The following KCND2 variants were observed in gnomAD, a reference collection of about 807,000 sequenced individuals.
KCND2 encodes the protein potassium voltage-gated channel subfamily D member 2, also known as A-type voltage-gated potassium channel KCND2.
In KCND2, 16 loss-of-function variants were observed where a neutral mutation model predicts 54.4. The ratio of observed to expected loss-of-function variants is 0.29; its 90% CI spans 0.20 to 0.45. The LOEUF is 0.45. Ranked by LOEUF, KCND2 falls within the 20% of genes least tolerant of loss-of-function variation. KCND2 has a pLI of 1.00. For synonymous variants in KCND2, 317 were observed against 310.7 expected, an observed-to-expected ratio of 1.02 and a Z score of -0.21; for missense variants, 486 against 824.2, an observed-to-expected ratio of 0.59 and a Z score of 5.02.
At chr7:120,668,712 G>A (rs934270193) in intron 1 of KCND2, among the ~76,000 whole-genome samples, 20 of 151,930 alleles carry the variant, frequency 1.3e-4, no homozygotes, top group African/African-American at 4.3e-4. Context: ...AGATTATTAA[G>A]AAGAAATATA....
At chr7:120,744,253 A>G (rs1792978144) in intron 4 of KCND2, among the ~76,000 whole-genome samples, 1 of 151,642 alleles carries the variant, frequency 6.6e-6, no homozygotes, top group Non-Finnish European at 1.5e-5. Flanking sequence ...AAAGAGCTAG[A>G]CTCTGTCTCA....
At chr7:120,447,031 G>T (rs1802027274) in intron 1 of KCND2, among the ~76,000 whole-genome samples, 1 of 152,128 alleles carries the variant, frequency 6.6e-6, no homozygotes, top group Non-Finnish European at 1.5e-5. Context: ...GACATGAATT[G>T]AAGGAGAAAC....
chr7:120,556,596 C>A (rs186009657), intron 1 of KCND2, among the ~76,000 whole-genome samples: 4 of 152,222 alleles, frequency 2.6e-5, no homozygotes, highest in Admixed American at 2.0e-4. Context: ...CTTTTAAGAT[C>A]TCATCAGATA....
intron 1 of KCND2, among the ~76,000 whole-genome samples, chr7:120,478,717 C>G (rs1197516453): frequency 6.6e-6 from 1 of 152,010 alleles, no homozygotes; most frequent in Non-Finnish European, 1.5e-5. Context: ...AATTCATATG[C>G]CTGACTCTAT....
chr7:120,342,204 G>T (rs1800249930), intron 1 of KCND2, among the ~76,000 whole-genome samples: 1 of 152,132 alleles, frequency 6.6e-6, no homozygotes, highest in African/African-American at 2.4e-5. Context: ...TCCAATCATG[G>T]CTCTGCCATT....
At chr7:120,587,379 A>G (rs1792613104) in intron 1 of KCND2, among the ~76,000 whole-genome samples, 2 of 152,218 alleles carry the variant, frequency 1.3e-5, no homozygotes, top group Admixed American at 1.3e-4. Context: ...TGCCAAGAAT[A>G]CTAATCTCTT....
intron 1 of KCND2, among the ~76,000 whole-genome samples, chr7:120,428,295 A>G (rs1412231994): frequency 6.6e-6 from 1 of 152,198 alleles, no homozygotes; most frequent in Non-Finnish European, 1.5e-5. Flanking sequence ...GCCAAATGCA[A>G]TGGAACAATC....
intron 1 of KCND2, among the ~76,000 whole-genome samples, chr7:120,583,324 A>AT (rs1176743043): frequency 1.3e-5 from 2 of 151,914 alleles, no homozygotes; most frequent in Admixed American, 6.6e-5. Context: ...TCAAATATTG[A>AT]TTTTTTCCTA....
chr7:120,308,787 A>C (rs184323712), intron 1 of KCND2, among the ~76,000 whole-genome samples: 1 of 152,294 alleles, frequency 6.6e-6, no homozygotes, highest in East Asian at 1.9e-4. Context: ...GTAAATGATA[A>C]GTTGTTTAAC....
intron 1 of KCND2, among the ~76,000 whole-genome samples, chr7:120,315,180 G>T (rs1004810385): frequency 1.3e-5 from 2 of 152,088 alleles, no homozygotes; most frequent in African/African-American, 4.8e-5. Context: ...GAATCTCTCT[G>T]AGCATTTCAT....
intron 1 of KCND2, among the ~76,000 whole-genome samples, chr7:120,398,017 ATATATATATATATATATATATT>A (rs1801184579): frequency 7.3e-6 from 1 of 137,190 alleles, no homozygotes; most frequent in African/African-American, 2.9e-5. Context: ...ATATATATAT[ATATATATATATATATATATATT>A]TGCTCTTTTT....
chr7:120,466,157 T>C (rs1363412058), intron 1 of KCND2, among the ~76,000 whole-genome samples: 1 of 152,134 alleles, frequency 6.6e-6, no homozygotes, highest in African/African-American at 2.4e-5. Flanking sequence ...AATGTGTTCT[T>C]GGAGAAAAAC....
intron 1 of KCND2, among the ~76,000 whole-genome samples, chr7:120,392,749 C>T (rs1039780810): frequency 3.3e-5 from 5 of 151,838 alleles, no homozygotes; most frequent in African/African-American, 9.7e-5. Flanking sequence ...CTCTTGCTGC[C>T]GCCATGTTTG....
chr7:120,460,833 T>A (rs2116238119), intron 1 of KCND2, among the ~76,000 whole-genome samples: 1 of 152,250 alleles, frequency 6.6e-6, no homozygotes, highest in Admixed American at 6.5e-5. Context: ...GACAAAAAGA[T>A]CTAAGAGGCT....
At chr7:120,747,443 T>A (rs959489601) in intron 5 of KCND2, among the ~76,000 whole-genome samples, 5 of 152,126 alleles carry the variant, frequency 3.3e-5, no homozygotes, top group African/African-American at 1.2e-4. Context: ...ATAATACATT[T>A]AGTTTGATAA....
At position 120,746,099 on chromosome 7, in the gene KCND2, G is replaced by A. The variant is rs1793002957; in HGVS notation, c.1715+72G>A. The A allele has an allele frequency of 2.6e-6, 4 of 1,537,938 alleles. No homozygotes were observed. In the South Asian group the frequency reaches 4.5e-5, roughly 17 times the overall value. ...AGGGTGTGTCTTCTGCACTCATGTT[G>A]TCACTTACATGGCATCTAAATCCCT... On this transcript the variant is annotated intron_variant, in intron 5 of 5. Transcript: ENST00000331113.
intron 1 of KCND2, among the ~76,000 whole-genome samples, chr7:120,422,080 A>G (rs56354160): frequency 0.1 from 15,553 of 152,234 alleles, 834 homozygotes; most frequent in Admixed American, 0.13. Context: ...AAAGGAGTGA[A>G]GGGGTGGATC....
chr7:120,610,318 A>G (rs1792936711), intron 1 of KCND2, among the ~76,000 whole-genome samples: 2 of 152,162 alleles, frequency 1.3e-5, no homozygotes, highest in South Asian at 4.1e-4. Context: ...TTTTAAGTAT[A>G]TGAAATGATC....
At chr7:120,463,257 A>C (rs1802309796) in intron 1 of KCND2, among the ~76,000 whole-genome samples, 1 of 151,886 alleles carries the variant, frequency 6.6e-6, no homozygotes, top group African/African-American at 2.4e-5. Context: ...TTTTGATGAC[A>C]TAGTATGGAA....
Sources: allele counts gnomAD v4.1 joint callset (sites outside exome capture counted in the v4.1 genomes callset), GRCh38; gene constraint gnomAD v4.1.1; transcripts MANE v1.5; gene names NCBI Gene and HGNC (gene_info 2026-07-23, HGNC 2026-07-21).